The following TMEM108 variants were observed in gnomAD, a reference collection of about 807,000 sequenced individuals.
The protein encoded by TMEM108 is cancer/testis antigen 124.
In TMEM108, 12 loss-of-function variants were observed where a neutral mutation model predicts 35.1. The observed-to-expected ratio is 0.34, with a 90% confidence interval of 0.22 to 0.55. The LOEUF (loss-of-function observed/expected upper bound fraction) is 0.55. TMEM108 is among the 20% of genes least tolerant of loss of function. The probability of loss-of-function intolerance (pLI) is 0.89; values close to 1 mark genes in which losing one functional copy is unlikely to be tolerated. For missense variants in TMEM108, 680 were observed against 753.3 expected, an observed-to-expected ratio of 0.90 and a Z score of 1.14; for synonymous variants, 287 against 308.6, an observed-to-expected ratio of 0.93 and a Z score of 0.73.
Position 133,375,932 on chromosome 3 carries a change from C to T in TMEM108, c.41-3820C>T, listed in dbSNP as rs116707446. ...ACTGTAACATGTAAACATCATCCTCCAGGTAAAAATCCCTTGGCACCCACG... is the reference window on the plus strand; with the variant it reads ...ACTGTAACATGTAAACATCATCCTCTAGGTAAAAATCCCTTGGCACCCACG... On this transcript the variant is annotated intron_variant, in intron 3 of 5. Coordinates refer to ENST00000321871, the MANE Select transcript of TMEM108 (RefSeq NM_023943.4). Among the ~76,000 whole-genome samples the T allele has an allele frequency of 4.9e-3, 751 of 152,240 alleles. 7 individuals are homozygous for T. Among genetic ancestry groups the T allele is most frequent in the African/African-American group, 0.017 (716 of 41,542 alleles).
intron 3 of TMEM108, among the ~76,000 whole-genome samples, chr3:133,300,438 T>C (rs2107702459): frequency 6.6e-6 from 1 of 152,116 alleles, no homozygotes; most frequent in East Asian, 1.9e-4. Flanking sequence ...TTTTTAAACA[T>C]GTAGCTGGGA....
intron 3 of TMEM108, among the ~76,000 whole-genome samples, chr3:133,294,195 T>C (rs961973829): frequency 1.3e-5 from 2 of 152,220 alleles, no homozygotes; most frequent in African/African-American, 4.8e-5. Flanking sequence ...AAATAAGTGA[T>C]AGTGTTAAAT....
rs186580218 is a variant in TMEM108 at position 133,357,112 on chromosome 3, T to A, written c.41-22640T>A. 1.8e-3 allele frequency among the ~76,000 whole-genome samples: 274 copies of A among 152,016 alleles called. 1 individual carries two copies. The highest frequency in any genetic ancestry group is 6.3e-3 in the African/African-American group (263 of 41,490). ...AGACAAAACCAATCCCATCAAAAAG[T>A]GGGCAATGGACATAAAAAGACATTT... On this transcript the variant is annotated intron_variant, in intron 3 of 5. Transcript: ENST00000321871.
At chr3:133,236,762 T>C (rs1427257820) in intron 3 of TMEM108, among the ~76,000 whole-genome samples, 1 of 152,090 alleles carries the variant, frequency 6.6e-6, no homozygotes. Context: ...CATAACTATA[T>C]CTTTTTCAAG....
At chr3:133,305,421 G>A (rs1037085430) in intron 3 of TMEM108, among the ~76,000 whole-genome samples, 9 of 151,272 alleles carry the variant, frequency 5.9e-5, no homozygotes, top group African/African-American at 2.2e-4. Context: ...GCTAGATGAC[G>A]AGTTAATGGG....
intron 3 of TMEM108, among the ~76,000 whole-genome samples, chr3:133,332,757 A>G (rs879471594): frequency 6.6e-6 from 1 of 152,226 alleles, no homozygotes; most frequent in Non-Finnish European, 1.5e-5. Context: ...CTATCCTTTA[A>G]GTTGATCATT....
chr3:133,061,166 G>A (rs553865908), intron 2 of TMEM108, among the ~76,000 whole-genome samples: 3 of 151,092 alleles, frequency 2.0e-5, no homozygotes, highest in Non-Finnish European at 2.9e-5. Context: ...GTTTTGTTTC[G>A]GCATTTTGCT....
chr3:133,233,679 C>G (rs1460366569), intron 3 of TMEM108, among the ~76,000 whole-genome samples: 2 of 149,294 alleles, frequency 1.3e-5, no homozygotes, highest in African/African-American at 2.4e-5. Flanking sequence ...GTTCCTATTT[C>G]TCCACATCCT....
chr3:133,287,307 A>G (rs932567753), intron 3 of TMEM108, among the ~76,000 whole-genome samples: 5 of 152,232 alleles, frequency 3.3e-5, no homozygotes, highest in South Asian at 4.1e-4. Flanking sequence ...ATCTATGGGT[A>G]TGAGTGACCT....
At chr3:133,247,556 C>T (rs1946404194) in intron 3 of TMEM108, 1 of 151,868 alleles carries the variant, frequency 6.6e-6, no homozygotes, top group South Asian at 2.1e-4. Flanking sequence ...TGCCACCTGT[C>T]TCAGAGGCCA....
At chr3:133,135,432 T>C (rs1350355422) in intron 2 of TMEM108, among the ~76,000 whole-genome samples, 1 of 152,156 alleles carries the variant, frequency 6.6e-6, no homozygotes. Flanking sequence ...AGGCTATGAG[T>C]ATATTCATGG....
intron 3 of TMEM108, among the ~76,000 whole-genome samples, chr3:133,267,080 C>CAAAAAAA (rs567345267): frequency 3.4e-5 from 4 of 115,954 alleles, no homozygotes; most frequent in East Asian, 4.5e-4. Flanking sequence ...GACTCCACCT[C>CAAAAAAA]AAAAAAAAAA....
chr3:133,316,141 G>A (rs1266553184), intron 3 of TMEM108, among the ~76,000 whole-genome samples: 11 of 152,230 alleles, frequency 7.2e-5, no homozygotes, highest in South Asian at 2.1e-4. Flanking sequence ...AAAATAAGGC[G>A]AATAAATAGA....
At chr3:133,173,262 G>T (rs1945157579) in intron 2 of TMEM108, among the ~76,000 whole-genome samples, 1 of 152,222 alleles carries the variant, frequency 6.6e-6, no homozygotes, top group African/African-American at 2.4e-5. Flanking sequence ...ATCTTTCAAT[G>T]CCAGTTTAGA....
chr3:133,116,451 T>C (rs980926608), intron 2 of TMEM108, among the ~76,000 whole-genome samples: 1 of 152,204 alleles, frequency 6.6e-6, no homozygotes, highest in Admixed American at 6.5e-5. Context: ...TTTCTTAATA[T>C]TCATTTTTCA....
In TMEM108 at chr3:133,379,760, CTGATCTTG is replaced by C; in HGVS notation, c.50_57del (p.Leu17ArgfsTer91). 6.2e-7 allele frequency: 1 copy of C among 1,612,658 alleles called. No homozygotes were observed. Reference sequence around the variant, plus strand: ...TCTGTCTCCTTTTCAAGGTTTCCTGCTGATCTTGGCACTGACCGAAGCGCTGGCATTTG... The same window carrying C: ...TCTGTCTCCTTTTCAAGGTTTCCTGCGCACTGACCGAAGCGCTGGCATTTG... On this transcript the variant is annotated frameshift_variant, in exon 4 of 6. Transcript: ENST00000321871. LOFTEE classifies it high-confidence loss of function.
intron 3 of TMEM108, among the ~76,000 whole-genome samples, chr3:133,331,674 C>T (rs966764746): frequency 1.3e-5 from 2 of 152,146 alleles, no homozygotes; most frequent in African/African-American, 2.4e-5. Flanking sequence ...CCCAAGGACC[C>T]GTACTGATTA....
At chr3:133,158,703 T>G (rs951633536) in intron 2 of TMEM108, among the ~76,000 whole-genome samples, 2 of 151,996 alleles carry the variant, frequency 1.3e-5, no homozygotes, top group African/African-American at 2.4e-5. Context: ...TGGCGGGAGA[T>G]GTGAAGGAGC....
At chr3:133,065,265 T>C (rs753204079) in intron 2 of TMEM108, among the ~76,000 whole-genome samples, 1 of 151,374 alleles carries the variant, frequency 6.6e-6, no homozygotes, top group Non-Finnish European at 1.5e-5. Context: ...TATGTACAAA[T>C]AAACACTTAC....
Sources: gnomAD v4.1 joint callset for allele counts (sites outside exome capture counted in the v4.1 genomes callset) on GRCh38, gnomAD v4.1.1 for gene constraint, MANE v1.5 for transcripts, NCBI Gene and HGNC (gene_info 2026-07-23, HGNC 2026-07-21) for gene names.